APBA2: variants seen among roughly 807,000 people sequenced by gnomAD.
APBA2 encodes the protein amyloid beta precursor protein binding family A member 2, also known as amyloid-beta A4 precursor protein-binding family A member 2.
A neutral mutation model predicts 75.0 loss-of-function variants in APBA2; 30 were observed. That is an observed-to-expected ratio of 0.40 (90% CI 0.30 to 0.54). APBA2 has a LOEUF of 0.54. Among genes scored for constraint, APBA2 ranks in the 20% least tolerant of loss-of-function variants. APBA2 has a pLI of 0.49. For missense variants in APBA2, 801 were observed against 1,016.1 expected (o/e 0.79, Z 2.88); for synonymous variants, 444 against 409.6 (o/e 1.08, Z -1.01).
intron 10 of APBA2, among the ~76,000 whole-genome samples, chr15:29,103,509 C>A (rs919885047): frequency 9.2e-5 from 14 of 152,222 alleles, no homozygotes; most frequent in Non-Finnish European, 1.8e-4. Context: ...GAACCCCACA[C>A]CTCCCAGGAG....
intron 2 of APBA2, among the ~76,000 whole-genome samples, chr15:28,939,581 C>T (rs982341362): frequency 7.9e-5 from 12 of 152,128 alleles, no homozygotes; most frequent in African/African-American, 2.9e-4. Flanking sequence ...GGTACTATCC[C>T]AACAAGCGTG....
intron 4 of APBA2, among the ~76,000 whole-genome samples, chr15:29,074,000 G>GT: frequency 6.6e-6 from 1 of 151,980 alleles, no homozygotes; most frequent in East Asian, 1.9e-4. Context: ...AAGAATTTAG[G>GT]TTTTTTAAAA....
At chr15:28,902,396 C>T (rs996280788) in intron 1 of APBA2, among the ~76,000 whole-genome samples, 1 of 152,162 alleles carries the variant, frequency 6.6e-6, no homozygotes, top group Non-Finnish European at 1.5e-5. Flanking sequence ...AATATCAAGT[C>T]CATCAAAACT....
intron 6 of APBA2, among the ~76,000 whole-genome samples, chr15:29,087,886 A>C (rs1226814788): frequency 6.6e-6 from 1 of 151,952 alleles, no homozygotes; most frequent in Non-Finnish European, 1.5e-5. Flanking sequence ...TTGGAACCTC[A>C]CACGATCTGA....
chr15:29,117,922 A>G lies in APBA2; in HGVS notation c.*789A>G, dbSNP rs1450354150. On this transcript the variant is annotated 3_prime_UTR_variant, in exon 15 of 15. Transcript: ENST00000683413. Reference sequence around the variant, plus strand: ...CACAGGTGTCTGCCCCCTCTTTAAAATCGATCTACACACATCCACGCACAT... The same window carrying G: ...CACAGGTGTCTGCCCCCTCTTTAAAGTCGATCTACACACATCCACGCACAT... The G allele has an allele frequency of 1.6e-5, 2 of 128,992 alleles. No individual in the cohort carries two copies. The highest frequency in any genetic ancestry group is 2.9e-5 in the African/African-American group (1 of 33,964). 8.0% of individuals were successfully genotyped at this position (128,992 alleles called of 1,614,324 possible).
intron 8 of APBA2, among the ~76,000 whole-genome samples, chr15:29,094,781 T>C (rs1279097721): frequency 6.6e-6 from 1 of 152,192 alleles, no homozygotes; most frequent in Admixed American, 6.5e-5. Flanking sequence ...GTTTTTGGGC[T>C]GGGTGCTGTG....
chr15:28,963,162 A>G (rs1566848168), intron 2 of APBA2, among the ~76,000 whole-genome samples: 1 of 152,180 alleles, frequency 6.6e-6, no homozygotes, highest in Non-Finnish European at 1.5e-5. Flanking sequence ...TATTTTAAAG[A>G]ATATTTTTCT....
chr15:29,080,090 G>C (rs141191278), intron 6 of APBA2, among the ~76,000 whole-genome samples: 3 of 152,162 alleles, frequency 2.0e-5, no homozygotes, highest in Admixed American at 6.5e-5. Flanking sequence ...ACTCGTAGCC[G>C]AGGTCATTCC....
chr15:28,971,222 T>G (rs183308042), intron 2 of APBA2, among the ~76,000 whole-genome samples: 386 of 152,124 alleles, frequency 2.5e-3, no homozygotes, highest in Non-Finnish European at 4.2e-3. Context: ...GTGCTTGCCA[T>G]TTTTTTTAAT....
At chr15:29,015,850 G>A (rs986235119) in intron 3 of APBA2, among the ~76,000 whole-genome samples, 1 of 152,182 alleles carries the variant, frequency 6.6e-6, no homozygotes. Flanking sequence ...CATGTGACCC[G>A]GGGCAGATCC....
intron 2 of APBA2, among the ~76,000 whole-genome samples, chr15:28,960,455 C>G (rs1312254011): frequency 7.4e-6 from 1 of 134,464 alleles, no homozygotes; most frequent in African/African-American, 3.6e-5. Context: ...AAAGCAAGAC[C>G]TTGTCTCAAA....
chr15:29,086,891 A>G (rs1247443996), intron 6 of APBA2, among the ~76,000 whole-genome samples: 1 of 152,362 alleles, frequency 6.6e-6, no homozygotes, highest in East Asian at 1.9e-4. Flanking sequence ...GATGTATGCA[A>G]AGAGGTCAGT....
intron 2 of APBA2, among the ~76,000 whole-genome samples, chr15:28,955,440 G>A (rs1475693095): frequency 2.6e-5 from 4 of 152,124 alleles, no homozygotes; most frequent in Admixed American, 6.5e-5. Flanking sequence ...CCTGTCCTCT[G>A]ATTCCCATCC....
At chr15:29,006,875 C>A (rs73370675) in intron 3 of APBA2, among the ~76,000 whole-genome samples, 136 of 152,278 alleles carry the variant, frequency 8.9e-4, no homozygotes, top group African/African-American at 3.1e-3. Flanking sequence ...CTATCAAAAT[C>A]CCAATGATGC....
chr15:29,061,573 G>A (rs1031286169), intron 4 of APBA2, among the ~76,000 whole-genome samples: 1 of 152,252 alleles, frequency 6.6e-6, no homozygotes, highest in Non-Finnish European at 1.5e-5. Flanking sequence ...ACAAGTTAAA[G>A]GGAAGCATGG....
intron 2 of APBA2, among the ~76,000 whole-genome samples, chr15:28,982,359 T>G (rs533362011): frequency 6.6e-6 from 1 of 152,352 alleles, no homozygotes; most frequent in African/African-American, 2.4e-5. Context: ...CTGGGCTGTT[T>G]CCTTATCCAT....
At chr15:28,980,485 G>A (rs1044722695) in intron 2 of APBA2, among the ~76,000 whole-genome samples, 3 of 152,000 alleles carry the variant, frequency 2.0e-5, no homozygotes, top group South Asian at 2.1e-4. Flanking sequence ...ATTTACAATC[G>A]CCACACACAA....
At chr15:28,933,544 C>T (rs1012846328) in intron 2 of APBA2, among the ~76,000 whole-genome samples, 4 of 152,212 alleles carry the variant, frequency 2.6e-5, no homozygotes, top group African/African-American at 9.7e-5. Flanking sequence ...AACAAATGTC[C>T]TGCTCTTTGA....
At position 29,080,090 on chromosome 15, in the gene APBA2, G is replaced by A. The variant is rs141191278; in HGVS notation, c.1069+3999G>A. ...GTGCTTGACACATAAACTCGTAGCCGAGGTCATTCCTCCCTACCCAGCATG... is the reference window on the plus strand; with the variant it reads ...GTGCTTGACACATAAACTCGTAGCCAAGGTCATTCCTCCCTACCCAGCATG... On this transcript the variant is annotated intron_variant, in intron 6 of 14. Transcript: ENST00000683413. Among the ~76,000 whole-genome samples the A allele has an allele frequency of 4.6e-3, 703 of 152,280 alleles. 1 individual carries two copies. Among genetic ancestry groups the A allele is most frequent in the Non-Finnish European group, 8.1e-3 (551 of 68,006 alleles).
Sources: gnomAD v4.1 joint callset for allele counts (sites outside exome capture counted in the v4.1 genomes callset) on GRCh38, gnomAD v4.1.1 for gene constraint, MANE v1.5 for transcripts, NCBI Gene and HGNC (gene_info 2026-07-23, HGNC 2026-07-21) for gene names.